The following C16orf89 variants were observed in gnomAD, a reference collection of about 807,000 sequenced individuals.
The protein encoded by C16orf89 is chromosome 16 open reading frame 89.
A neutral mutation model predicts 41.5 loss-of-function variants in C16orf89; 57 were observed. The ratio of observed to expected loss-of-function variants is 1.38; its 90% CI spans 1.11 to 1.71. C16orf89 has a LOEUF of 1.71. Ranked by LOEUF, C16orf89 falls within the 40% of genes most tolerant of loss-of-function variation. The probability of loss-of-function intolerance (pLI) is 0.00; values close to 1 mark genes in which losing one functional copy is unlikely to be tolerated. For missense variants in C16orf89, 575 were observed against 445.9 expected (o/e 1.29, Z -2.61); for synonymous variants, 223 against 190.6 (o/e 1.17, Z -1.40).
At chr16:5,058,879 C>A (rs993547751) in intron 3 of C16orf89, among the ~76,000 whole-genome samples, 4 of 152,112 alleles carry the variant, frequency 2.6e-5, no homozygotes, top group African/African-American at 9.7e-5. Flanking sequence ...CAAATCACAT[C>A]TTTTCCAGCC....
In C16orf89 at chr16:5,047,886, TG is replaced by T; in HGVS notation, c.946del (p.Gln316AsnfsTer63). 6.4e-7 allele frequency: 1 copy of T among 1,571,266 alleles called. No homozygotes were observed. Among genetic ancestry groups the T allele is most frequent in the Non-Finnish European group, 8.8e-7 (1 of 1,142,072 alleles). ...FSRRVKRREK[Q>X]FPDGCSSHNT... ...TTGGGTATTTTCATTACCTGGAAAT[TG>T]TTTTTCTCGCCTCTTCACTCTCCTC... On this transcript the variant is annotated frameshift_variant, in exon 7 of 8. Coordinates refer to ENST00000472572, the MANE Select transcript of C16orf89 (RefSeq NM_001098514.3). LOFTEE classifies it low-confidence loss of function (END_TRUNC).
intron 7 of C16orf89, among the ~76,000 whole-genome samples, chr16:5,046,397 G>C (rs1956298652): frequency 6.6e-6 from 1 of 151,754 alleles, no homozygotes; most frequent in African/African-American, 2.4e-5. Flanking sequence ...TGTCACCCAG[G>C]CTGGAGTGCA....
intron 6 of C16orf89, among the ~76,000 whole-genome samples, chr16:5,048,465 A>G (rs1308356161): frequency 1.3e-5 from 2 of 152,188 alleles, no homozygotes; most frequent in Non-Finnish European, 2.9e-5. Context: ...ATCCTTTTGC[A>G]TGGCCTAAAC....
Position 5,065,788 on chromosome 16 carries a change from A to C in C16orf89, c.121T>G (p.Ser41Ala), listed in dbSNP as rs1457118618. 6.2e-7 allele frequency: 1 copy of C among 1,614,160 alleles called. No individual in the cohort carries two copies. Among genetic ancestry groups the C allele is most frequent in the Non-Finnish European group, 8.5e-7 (1 of 1,179,962 alleles). Residue 41 changes from serine to alanine, a missense_variant, in exon 1 of 8, where the codon TCT (serine) becomes GCT (alanine). Ser to Ala is a moderately conservative substitution (Grantham distance 99). Coordinates refer to ENST00000472572, the MANE Select transcript of C16orf89 (RefSeq NM_001098514.3). ...AAGACGGTGGCTCTCTCCAGCGCAGACAGGATCAGGTCTGCAATGGTGGCT... is the reference window on the plus strand; with the variant it reads ...AAGACGGTGGCTCTCTCCAGCGCAGCCAGGATCAGGTCTGCAATGGTGGCT... ...SKATIADLIL[S>A]ALERATVFLE...
intron 4 of C16orf89, 101 bp from the exon 5 acceptor site, chr16:5,056,289 G>C: frequency 8.2e-7 from 1 of 1,217,838 alleles, no homozygotes; most frequent in East Asian, 2.5e-5. Flanking sequence ...GGTCTTGCAA[G>C]GGGCTGTGTT....
Position 5,056,087 on chromosome 16 carries a change from G to A in C16orf89, c.729C>T (p.Tyr243=), listed in dbSNP as rs370420720. 128 of 1,597,672 alleles carry A rather than the reference G, an allele frequency of 8.0e-5. No individual in the cohort carries two copies. In the Middle Eastern group the frequency reaches 9.9e-4, roughly 12 times the overall value. The part of the protein sequence containing the change: ...DLNRRAEAIG[Y]AYPTRDIFME... The stretch of plus-strand genomic sequence containing the variant: ...TGAAGATGTCCCGGGTAGGGTAGGC[G>A]TATCCGATGGCCTCAGCTCTGCGGT... Residue 243 remains tyrosine, a synonymous_variant, in exon 5 of 8, where the codon TAC becomes TAT. Transcript: ENST00000472572.
intron 6 of C16orf89, among the ~76,000 whole-genome samples, chr16:5,052,099 CAAAAAAAAAAA>C (rs35641084): frequency 2.5e-5 from 2 of 78,732 alleles, no homozygotes; most frequent in African/African-American, 5.0e-5. Context: ...GAGACTGTCT[CAAAAAAAAAAA>C]AAAAAAAAAA....
rs985858632 is a variant in C16orf89, at chr16:5,058,725, G to A, written c.510-115C>T. ...CCAGTAGATTCCAGACACCCAGCTG[G>A]GCATGGGGGTTGACAGAGACAATAC... On this transcript the variant is annotated intron_variant, in intron 3 of 7. Coordinates refer to ENST00000472572, the MANE Select transcript of C16orf89 (RefSeq NM_001098514.3). 1.4e-5 allele frequency: 11 copies of A among 780,744 alleles called. No homozygotes were observed. The South Asian group carries it at 1.7e-4, about 12-fold the overall frequency. The allele number at this position is 780,744 out of a possible 1,614,324, so 48.4% of individuals were successfully genotyped here.
At chr16:5,051,947 A>G (rs1956404149) in intron 6 of C16orf89, among the ~76,000 whole-genome samples, 1 of 151,938 alleles carries the variant, frequency 6.6e-6, no homozygotes, top group South Asian at 2.1e-4. Flanking sequence ...TGAAAATACA[A>G]ATATTAGCCG....
rs780521779 is a variant in C16orf89 at position 5,060,355 on chromosome 16, G to T, written c.440C>A (p.Thr147Lys). 1.9e-6 allele frequency: 3 copies of T among 1,613,510 alleles called. No homozygotes were observed. Among genetic ancestry groups the T allele is most frequent in the South Asian group, 2.2e-5 (2 of 91,064 alleles). Residue 147 changes from threonine to lysine, a missense_variant, in exon 3 of 8, where the codon ACG becomes AAG. Coordinates refer to ENST00000472572, the MANE Select transcript of C16orf89 (RefSeq NM_001098514.3). The part of the protein sequence containing the change: ...IHTDASLVYP[T>K]FGPQDSFSEE... ...TGAGAATGAGTCCTGGGGCCCGAAC[G>T]TGGGGTACACCAAGGAGGCATCAGT...
In C16orf89 at chr16:5,062,554, C is replaced by G. The variant is rs11558483; in HGVS notation, c.229G>C (p.Glu77Gln). Residue 77 changes from glutamate to glutamine, a missense_variant, in exon 2 of 8, where the codon GAG (glutamate) becomes CAG (glutamine). Coordinates refer to ENST00000472572, the MANE Select transcript of C16orf89 (RefSeq NM_001098514.3). The stretch of plus-strand genomic sequence containing the variant: ...AGCAGGGGCTCCTGGGCCCACTTCT[C>G]CCGGACACTTTTTAGCTGCTCTGGA... ...VLEEQLKSVREKWAQEPLLQP... is the reference protein window; with the variant it reads ...VLEEQLKSVRQKWAQEPLLQP... 6 of 1,611,958 alleles carry G rather than the reference C, an allele frequency of 3.7e-6. No homozygotes were observed. The African/African-American group carries it at 6.7e-5, about 18-fold the overall frequency.
At chr16:5,055,874 T>C (rs1355490018) in intron 5 of C16orf89, 179 bp downstream of exon 5, 22 of 1,261,852 alleles carry the variant, frequency 1.7e-5, no homozygotes, top group Non-Finnish European at 2.3e-5. Flanking sequence ...ATGGATTCAT[T>C]GCTTATCTGA....
chr16:5,048,426 C>T (rs556359080), intron 6 of C16orf89, among the ~76,000 whole-genome samples: 51 of 152,180 alleles, frequency 3.4e-4, no homozygotes, highest in Admixed American at 2.2e-3. Flanking sequence ...GAGGCTATTC[C>T]GGAAGTTTCC....
At chr16:5,065,668 A>G (rs763151181) in intron 1 of C16orf89, 33 bp downstream of exon 1, 2 of 1,583,292 alleles carry the variant, frequency 1.3e-6, no homozygotes, top group Non-Finnish European at 1.7e-6. Flanking sequence ...CTAGCTTCCC[A>G]GTGTCCAGCC....
rs113823339 is a variant in C16orf89, at chr16:5,059,211, A to C, written c.510-601T>G. The stretch of plus-strand genomic sequence containing the variant: ...GGTTGCAGTGAGTTGAGATCGCATC[A>C]CTGCACTCCAGCCTGGGAGACAGAG... On this transcript the variant is annotated intron_variant, in intron 3 of 7. Transcript: ENST00000472572. Among the ~76,000 whole-genome samples the C allele has an allele frequency of 8.4e-3, 1,281 of 152,160 alleles. 23 individuals are homozygous for C. The highest frequency in any genetic ancestry group is 0.039 in the East Asian group (201 of 5,124).
rs780016988 is a variant in C16orf89, at chr16:5,060,464, G to T, written c.359-28C>A. On this transcript the variant is annotated intron_variant, in intron 2 of 7. Coordinates refer to ENST00000472572, the MANE Select transcript of C16orf89 (RefSeq NM_001098514.3). The stretch of plus-strand genomic sequence containing the variant: ...GGCAGAGAGGACAGATAGATGGGGT[G>T]GGGTGTGGGGGTGACCCAGGAGCAG... 1.9e-6 allele frequency: 3 copies of T among 1,593,678 alleles called. No individual in the cohort carries two copies. The South Asian group carries it at 3.4e-5, about 18-fold the overall frequency.
intron 6 of C16orf89, among the ~76,000 whole-genome samples, chr16:5,053,301 C>T (rs932597481): frequency 6.6e-6 from 1 of 151,780 alleles, no homozygotes; most frequent in African/African-American, 2.4e-5. Context: ...ACCTGGGAGG[C>T]GGAGGTTGCA....
At chr16:5,048,982 A>G (rs1409622921) in intron 6 of C16orf89, among the ~76,000 whole-genome samples, 1 of 152,226 alleles carries the variant, frequency 6.6e-6, no homozygotes, top group Non-Finnish European at 1.5e-5. Flanking sequence ...ATCTCACTTC[A>G]CTGGTAAAGA....
At chr16:5,048,339 C>T (rs554242831) in intron 6 of C16orf89, among the ~76,000 whole-genome samples, 2 of 152,298 alleles carry the variant, frequency 1.3e-5, no homozygotes, top group East Asian at 3.9e-4. Context: ...TGGTCTCAAG[C>T]TGAATTTTTA....
Sources: allele counts gnomAD v4.1 joint callset (sites outside exome capture counted in the v4.1 genomes callset), GRCh38; gene constraint gnomAD v4.1.1; transcripts MANE v1.5; gene names NCBI Gene and HGNC (gene_info 2026-07-23, HGNC 2026-07-21).